Variants in CUX2 observed in about 807,000 individuals in gnomAD.
CUX2 encodes cut like homeobox 2.
CUX2 carries 40 observed loss-of-function variants against 144.8 expected under a neutral mutation model. That is an observed-to-expected ratio of 0.28 (90% confidence interval 0.21 to 0.36). CUX2 has a LOEUF of 0.36. Ranked by LOEUF, CUX2 falls within the 10% of genes least tolerant of loss-of-function variation. The pLI is 1.00. For synonymous variants in CUX2, 827 were observed against 875.6 expected (o/e 0.94, Z 0.98); for missense variants, 1,615 against 1,994.0 (o/e 0.81, Z 3.62).
chr12:111,134,616 C>CTGTGTGTGTGTGTGTG (rs1191021541), intron 1 of CUX2, among the ~76,000 whole-genome samples: 65 of 145,222 alleles, frequency 4.5e-4, no homozygotes, highest in African/African-American at 1.6e-3. Context: ...CTCTCTCTCT[C>CTGTGTGTGTGTGTGTG]TCTCTGTGTG....
rs767435660 is a variant in CUX2, at chr12:111,055,404, T to G, written c.63+21164T>G. On this transcript the variant is annotated intron_variant, in intron 1 of 21. Coordinates refer to ENST00000261726, the MANE Select transcript of CUX2 (RefSeq NM_015267.4). ...GACCCTCGGGCCAGCAGCCTGGAAGTCGCAATGAGGCGGCCCCGGCCCTCG... is the reference window on the plus strand; with the variant it reads ...GACCCTCGGGCCAGCAGCCTGGAAGGCGCAATGAGGCGGCCCCGGCCCTCG... Among the ~76,000 whole-genome samples, 25 of 152,334 alleles carry G rather than the reference T, an allele frequency of 1.6e-4. 1 individual carries two copies. Among genetic ancestry groups the G allele is most frequent in the Admixed American group, 3.3e-4 (5 of 15,306 alleles).
At position 111,187,096 on chromosome 12, in the gene CUX2, A is replaced by G. The variant is rs529142795; in HGVS notation, c.64-27104A>G. 3.3e-5 allele frequency among the ~76,000 whole-genome samples: 5 copies of G among 152,254 alleles called. No individual in the cohort carries two copies. In the East Asian group the frequency reaches 9.7e-4, roughly 29 times the overall value. On this transcript the variant is annotated intron_variant, in intron 1 of 21. Transcript: ENST00000261726. The stretch of plus-strand genomic sequence containing the variant: ...GCCTGGCAGCATGATGTATATTTTT[A>G]CGCTCTAAGTATGAATGTGCTTAGA...
intron 20 of CUX2, 52 bp from the exon 21 acceptor site, chr12:111,341,728 C>A (rs936279771): frequency 6.6e-7 from 1 of 1,517,996 alleles, no homozygotes; most frequent in Non-Finnish European, 8.8e-7. Context: ...TGGCCAGGAA[C>A]TTTTGGGATG....
chr12:111,300,623 A>G (rs150881070), intron 9 of CUX2, among the ~76,000 whole-genome samples: 199 of 152,270 alleles, frequency 1.3e-3, no homozygotes, highest in African/African-American at 4.5e-3. Flanking sequence ...CAGAGAGTAA[A>G]TATTTTCAGC....
At chr12:111,213,013 C>G (rs1215406300) in intron 1 of CUX2, among the ~76,000 whole-genome samples, 12 of 152,208 alleles carry the variant, frequency 7.9e-5, no homozygotes, top group Admixed American at 7.9e-4. Context: ...GGTCTTTCAA[C>G]ACGGTGCCGG....
chr12:111,108,566 T>A (rs1018412507), intron 1 of CUX2, among the ~76,000 whole-genome samples: 4 of 152,172 alleles, frequency 2.6e-5, no homozygotes, highest in African/African-American at 7.2e-5. Context: ...TTTATATCAG[T>A]GTGGACTCAG....
Position 111,034,365 on chromosome 12 carries a change from C to T in CUX2, c.63+125C>T, listed in dbSNP as rs1185711372. The T allele has an allele frequency of 7.2e-6, 2 of 278,434 alleles. No homozygotes were observed. Among genetic ancestry groups the T allele is most frequent in the Middle Eastern group, 1.6e-3 (1 of 612 alleles). The allele number at this position is 278,434 out of a possible 1,614,324, so 17.2% of individuals were successfully genotyped here. ...GCGGCGGGCGGCGGCTGCCGGGGCTCGCCGGGGCTCGGCCGCCCGCTGCCC... is the reference window on the plus strand; with the variant it reads ...GCGGCGGGCGGCGGCTGCCGGGGCTTGCCGGGGCTCGGCCGCCCGCTGCCC... On this transcript the variant is annotated intron_variant, in intron 1 of 21. Coordinates refer to ENST00000261726, the MANE Select transcript of CUX2 (RefSeq NM_015267.4). The surrounding 1 kb of genome is among the most constrained non-coding windows in gnomAD (Gnocchi z 4.2).
chr12:111,067,764 G>T (rs1247976742), intron 1 of CUX2, among the ~76,000 whole-genome samples: 4 of 152,166 alleles, frequency 2.6e-5, no homozygotes, highest in African/African-American at 9.7e-5. Flanking sequence ...AGAACATCAT[G>T]TGGAGAACAA....
chr12:111,232,041 A>T (rs1470285823), intron 3 of CUX2, among the ~76,000 whole-genome samples: 4 of 152,014 alleles, frequency 2.6e-5, no homozygotes, highest in African/African-American at 9.7e-5. Context: ...TTGTAAAAGA[A>T]CACAATATTC....
At chr12:111,159,915 C>T (rs1051411102) in intron 1 of CUX2, among the ~76,000 whole-genome samples, 3 of 152,184 alleles carry the variant, frequency 2.0e-5, no homozygotes, top group Non-Finnish European at 4.4e-5. Context: ...ATCTCAGCTT[C>T]TCTGGAGGCT....
At chr12:111,169,706 G>A (rs1304168319) in intron 1 of CUX2, among the ~76,000 whole-genome samples, 3 of 152,184 alleles carry the variant, frequency 2.0e-5, no homozygotes, top group Non-Finnish European at 2.9e-5. Flanking sequence ...GTCTTAAAAC[G>A]CCCATTAGTC....
chr12:111,240,484 T>C (rs1468772172), intron 3 of CUX2, among the ~76,000 whole-genome samples: 1 of 152,190 alleles, frequency 6.6e-6, no homozygotes, highest in Non-Finnish European at 1.5e-5. Context: ...CAGTTCTAAA[T>C]ACAAACTCCC....
intron 1 of CUX2, among the ~76,000 whole-genome samples, chr12:111,144,632 C>A (rs1876545246): frequency 6.6e-6 from 1 of 152,242 alleles, no homozygotes; most frequent in Non-Finnish European, 1.5e-5. Context: ...TGTGTCACAT[C>A]TCCCTCGTGC....
intron 4 of CUX2, among the ~76,000 whole-genome samples, chr12:111,282,625 TAAAA>T (rs3061123): frequency 0.012 from 1,269 of 105,008 alleles, 21 homozygotes; most frequent in African/African-American, 0.038. Context: ...AAACTCCATC[TAAAA>T]AAAAAAAAAA....
At chr12:111,216,695 T>C (rs1017022166) in intron 2 of CUX2, among the ~76,000 whole-genome samples, 1 of 152,128 alleles carries the variant, frequency 6.6e-6, no homozygotes, top group Non-Finnish European at 1.5e-5. Flanking sequence ...GAAGTTTCCT[T>C]ATCCATGGCT....
chr12:111,152,703 A>G (rs918650527), intron 1 of CUX2, among the ~76,000 whole-genome samples: 2 of 152,218 alleles, frequency 1.3e-5, no homozygotes, highest in Admixed American at 6.5e-5. Context: ...CCTGAAAAAT[A>G]GACGCATGTT....
chr12:111,325,478 A>T (rs1461251713), intron 18 of CUX2, among the ~76,000 whole-genome samples: 2 of 152,194 alleles, frequency 1.3e-5, no homozygotes. Flanking sequence ...TGACTTGCCC[A>T]AGGCCATCAT....
At chr12:111,273,559 C>A (rs1029331271) in intron 4 of CUX2, among the ~76,000 whole-genome samples, 2 of 152,290 alleles carry the variant, frequency 1.3e-5, no homozygotes, top group African/African-American at 4.8e-5. Context: ...GTTAAAGGGT[C>A]TTTGCTGCCA....
rs1565926180 is a variant in CUX2, at chr12:111,330,716, T to TATATATATATATACATATAC, written c.2927-3712_2927-3711insCATATACATATATATATATA. Among the ~76,000 whole-genome samples the TATATATATATATACATATAC allele has an allele frequency of 4.3e-3, 159 of 36,944 alleles. 6 individuals are homozygous for TATATATATATATACATATAC. Among genetic ancestry groups the TATATATATATATACATATAC allele is most frequent in the African/African-American group, 0.015 (102 of 6,994 alleles). The allele number at this position is 36,944 out of a possible 152,430, so 24.2% of individuals were successfully genotyped here. ...ATATATATATATATATATATATATA[T>TATATATATATATACATATAC]ATATATATATATATATATATATATA... On this transcript the variant is annotated intron_variant, in intron 18 of 21. Coordinates refer to ENST00000261726, the MANE Select transcript of CUX2 (RefSeq NM_015267.4).
Sources: allele counts gnomAD v4.1 joint callset (sites outside exome capture counted in the v4.1 genomes callset), GRCh38; gene constraint gnomAD v4.1.1; non-coding constraint Gnocchi (gnomAD v3.1); transcripts MANE v1.5; gene names NCBI Gene and HGNC (gene_info 2026-07-23, HGNC 2026-07-21).